Variants in DOCK9 observed in about 807,000 individuals in gnomAD.
DOCK9 encodes dedicator of cytokinesis 9, also known as dedicator of cytokinesis protein 9.
Under a neutral mutation model 263.3 loss-of-function variants are expected in DOCK9, and 89 were observed. The ratio of observed to expected loss-of-function variants is 0.34; its 90% confidence interval spans 0.28 to 0.40. The LOEUF is 0.40. Among genes scored for constraint, DOCK9 ranks in the 10% least tolerant of loss-of-function variants. The pLI is 1.00. For synonymous variants in DOCK9, 976 were observed against 973.1 expected, an observed-to-expected ratio of 1.00 and a Z score of -0.06; for missense variants, 2,140 against 2,603.4, an observed-to-expected ratio of 0.82 and a Z score of 3.87.
At chr13:99,082,568 A>AAATAAAT (rs1566405814) in intron 1 of DOCK9, among the ~76,000 whole-genome samples, 3,735 of 33,470 alleles carry the variant, frequency 0.11, 177 homozygotes, top group African/African-American at 0.28. Flanking sequence ...AATAAATAAA[A>AAATAAAT]AAAAACAGCT....
At chr13:98,967,072 TG>T (rs1324280908) in intron 1 of DOCK9, among the ~76,000 whole-genome samples, 1 of 152,282 alleles carries the variant, frequency 6.6e-6, no homozygotes, top group Non-Finnish European at 1.5e-5. Context: ...CTTTCGTGTA[TG>T]TTTGAGAATT....
intron 1 of DOCK9, among the ~76,000 whole-genome samples, chr13:99,001,382 G>C (rs906678463): frequency 6.6e-6 from 1 of 152,210 alleles, no homozygotes; most frequent in African/African-American, 2.4e-5. Context: ...AAGTCCTGTT[G>C]ACAATCTAAA....
chr13:99,007,314 G>A (rs1032408324), intron 1 of DOCK9, among the ~76,000 whole-genome samples: 1 of 152,006 alleles, frequency 6.6e-6, no homozygotes, highest in Admixed American at 6.6e-5. Flanking sequence ...CTTGAACCCA[G>A]GAAGGGGAAG....
At chr13:98,853,600 AAG>A in intron 34 of DOCK9, 78 bp from the exon 35 acceptor site, 1 of 1,053,412 alleles carries the variant, frequency 9.5e-7, no homozygotes. Flanking sequence ...TTGGAAGAGA[AAG>A]ACTCTTAGAA....
At chr13:98,860,824 C>T (rs1204609490) in intron 32 of DOCK9, among the ~76,000 whole-genome samples, 2 of 152,176 alleles carry the variant, frequency 1.3e-5, no homozygotes, top group African/African-American at 4.8e-5. Context: ...AGCTCGGACG[C>T]CCAACATTTC....
Position 98,855,954 on chromosome 13 carries a change from C to G in DOCK9, c.3775G>C (p.Asp1259His), listed in dbSNP as rs1381321248. ...ADSRGSLIST[D>H]SGNSLPERNS... ...CTTTCTGGAAGGCTGTTACCCGAAT[C>G]TGTGCTTATGAGAGATCCTCTCGAA... Residue 1259 changes from aspartate (D) to histidine (H), a missense_variant, in exon 34 of 53, where the codon GAT becomes CAT. Coordinates refer to ENST00000682017, the MANE Select transcript of DOCK9 (RefSeq NM_001366683.2). 6.2e-7 allele frequency: 1 copy of G among 1,614,028 alleles called. No individual in the cohort carries two copies. The highest frequency in any genetic ancestry group is 2.2e-5 in the East Asian group (1 of 44,882).
chr13:98,856,194 T>C (rs1416914841), intron 33 of DOCK9, 163 bp from the exon 34 acceptor site: 28 of 631,580 alleles, frequency 4.4e-5, no homozygotes, highest in Non-Finnish European at 6.6e-5. Flanking sequence ...AACCAGGTCA[T>C]ATACAATGAG....
rs2296995 is a variant in DOCK9, at chr13:98,882,807, C to T, written c.2559+235G>A. ...TGAGGGGTTTTCCATGCGTGAGAAACAGTATGTTTTAGAGATCCTGCCTTG... is the reference window on the plus strand; with the variant it reads ...TGAGGGGTTTTCCATGCGTGAGAAATAGTATGTTTTAGAGATCCTGCCTTG... On this transcript the variant is annotated intron_variant, in intron 23 of 52. Coordinates refer to ENST00000682017, the MANE Select transcript of DOCK9 (RefSeq NM_001366683.2). Among the ~76,000 whole-genome samples, 33 of 151,364 alleles carry T rather than the reference C, an allele frequency of 2.2e-4. No individual in the cohort carries two copies. The East Asian group carries it at 6.4e-3, about 29-fold the overall frequency.
At chr13:99,033,135 T>C (rs1318596735) in intron 1 of DOCK9, among the ~76,000 whole-genome samples, 1 of 152,230 alleles carries the variant, frequency 6.6e-6, no homozygotes, top group Non-Finnish European at 1.5e-5. Context: ...CACCTTCCTA[T>C]CTATCAGTTG....
intron 2 of DOCK9, among the ~76,000 whole-genome samples, chr13:98,947,786 G>A (rs1274926294): frequency 7.9e-5 from 12 of 152,268 alleles, no homozygotes; most frequent in Admixed American, 3.3e-4. Context: ...GATTACAGGC[G>A]TGAGCCACTG....
chr13:98,887,145 T>TATA (rs1566858396), intron 18 of DOCK9, among the ~76,000 whole-genome samples: 13 of 27,078 alleles, frequency 4.8e-4, no homozygotes, highest in African/African-American at 1.7e-3. Flanking sequence ...ATATATATAT[T>TATA]TTTTTTTTTT....
chr13:98,874,602 A>C (rs982328701), intron 27 of DOCK9, among the ~76,000 whole-genome samples: 20 of 152,146 alleles, frequency 1.3e-4, no homozygotes, highest in African/African-American at 4.8e-4. Flanking sequence ...ATCCCACCTT[A>C]TCCTCCCAAT....
chr13:98,995,121 G>A (rs769291866), intron 1 of DOCK9, among the ~76,000 whole-genome samples: 17 of 152,220 alleles, frequency 1.1e-4, no homozygotes, highest in Non-Finnish European at 2.2e-4. Context: ...AGGCCCATCA[G>A]TCATTACAGA....
chr13:98,801,222 C>T (rs1402572415), intron 49 of DOCK9, among the ~76,000 whole-genome samples: 1 of 152,168 alleles, frequency 6.6e-6, no homozygotes, highest in Admixed American at 6.6e-5. Context: ...GAGGTCAAAG[C>T]TGCAGTGAGC....
chr13:98,933,345 A>G (rs1446142882), intron 2 of DOCK9, among the ~76,000 whole-genome samples: 1 of 152,262 alleles, frequency 6.6e-6, no homozygotes, highest in South Asian at 2.1e-4. Flanking sequence ...TTATTCTCTT[A>G]TATCAAAGTC....
At chr13:98,932,120 C>T (rs987246196) in intron 2 of DOCK9, among the ~76,000 whole-genome samples, 16 of 151,742 alleles carry the variant, frequency 1.1e-4, no homozygotes, top group African/African-American at 3.1e-4. Flanking sequence ...CGACTGGGCG[C>T]GGTGACTGAC....
chr13:98,963,413 A>G (rs1417849625), intron 1 of DOCK9, among the ~76,000 whole-genome samples: 1 of 152,234 alleles, frequency 6.6e-6, no homozygotes, highest in East Asian at 1.9e-4. Flanking sequence ...AACTGAGTTC[A>G]GTTCTGGCCA....
intron 32 of DOCK9, among the ~76,000 whole-genome samples, chr13:98,862,597 G>GAGAAT (rs2093905771): frequency 6.6e-6 from 1 of 152,088 alleles, no homozygotes; most frequent in African/African-American, 2.4e-5. Context: ...GCTCAGGCAG[G>GAGAAT]AGAATTGCTT....
intron 1 of DOCK9, among the ~76,000 whole-genome samples, chr13:99,012,866 G>A (rs144411239): frequency 1.3e-5 from 2 of 152,258 alleles, no homozygotes; most frequent in East Asian, 3.9e-4. Context: ...ATCATTAACA[G>A]AGAGCCAGTT....
Sources: gnomAD v4.1 joint callset for allele counts (sites outside exome capture counted in the v4.1 genomes callset) on GRCh38, gnomAD v4.1.1 for gene constraint, MANE v1.5 for transcripts, NCBI Gene and HGNC (gene_info 2026-07-23, HGNC 2026-07-21) for gene names.